The following RGS22 variants were observed in gnomAD, a reference collection of about 807,000 sequenced individuals.
RGS22 encodes regulator of G protein signaling 22.
In RGS22, 148 loss-of-function variants were observed where a neutral mutation model predicts 172.9. The observed-to-expected ratio is 0.86, with a 90% CI of 0.75 to 0.98. The LOEUF (loss-of-function observed/expected upper bound fraction) is 0.98, where lower values mean the gene tolerates loss of function less well. Ranked by LOEUF, RGS22 falls within the 50% of genes least tolerant of loss-of-function variation. The pLI is 0.00. For synonymous variants in RGS22, 458 were observed against 480.2 expected, an observed-to-expected ratio of 0.95 and a Z score of 0.60; for missense variants, 1,347 against 1,440.8, an observed-to-expected ratio of 0.93 and a Z score of 1.05.
At chr8:100,012,326 T>C (rs1816473393) in intron 14 of RGS22, among the ~76,000 whole-genome samples, 1 of 152,116 alleles carries the variant, frequency 6.6e-6, no homozygotes, top group African/African-American at 2.4e-5. Flanking sequence ...AAGTTCAGAA[T>C]ATAATAGGCA....
At chr8:100,044,626 C>CT (rs542203635) in intron 11 of RGS22, among the ~76,000 whole-genome samples, 27,540 of 128,724 alleles carry the variant, frequency 0.21, 3,125 homozygotes, top group African/African-American at 0.31. Flanking sequence ...ATTACCCTTT[C>CT]TTTTTTTTTT....
chr8:99,987,547 T>C lies in RGS22; in HGVS notation c.3091A>G (p.Thr1031Ala). The C allele has an allele frequency of 1.9e-6, 3 of 1,611,846 alleles. No homozygotes were observed. The highest frequency in any genetic ancestry group is 1.7e-6 in the Non-Finnish European group (2 of 1,178,840). The change falls in exon 21 of 28, where the codon ACT becomes GCT. Residue 1031 changes from threonine (T) to alanine (A), a missense_variant. By Grantham distance (58) the Thr-to-Ala change is moderately conservative. Transcript: ENST00000360863. ...ACAAAACGTTGAAATTGTCTTGAAG[T>C]AACTGGATTCAATAATGCTTTGCGA... ...AFRKALLNPVTSRQFQRFVAL... is the reference protein window; with the variant it reads ...AFRKALLNPVASRQFQRFVAL...
At chr8:100,048,199 G>A (rs1820932348) in intron 10 of RGS22, among the ~76,000 whole-genome samples, 1 of 152,084 alleles carries the variant, frequency 6.6e-6, no homozygotes, top group Admixed American at 6.6e-5. Flanking sequence ...TCCAAATGGA[G>A]AATGGGATAT....
intron 2 of RGS22, among the ~76,000 whole-genome samples, chr8:100,103,088 C>T (rs1003406245): frequency 6.6e-6 from 1 of 152,080 alleles, no homozygotes; most frequent in Non-Finnish European, 1.5e-5. Context: ...AAGCCAGTAA[C>T]AAGGTAATGT....
chr8:100,066,648 C>T (rs1293864846), intron 6 of RGS22, among the ~76,000 whole-genome samples: 7 of 152,112 alleles, frequency 4.6e-5, no homozygotes, highest in Non-Finnish European at 8.8e-5. Flanking sequence ...GCCCATCAAT[C>T]CTTTTGCTAG....
intron 14 of RGS22, among the ~76,000 whole-genome samples, chr8:100,012,535 T>C (rs1472676639): frequency 6.6e-6 from 1 of 151,680 alleles, no homozygotes; most frequent in Non-Finnish European, 1.5e-5. Flanking sequence ...TGAAATATGA[T>C]GGTGCCACCG....
chr8:100,007,481 T>G (rs991741808), intron 15 of RGS22, among the ~76,000 whole-genome samples: 3 of 152,186 alleles, frequency 2.0e-5, no homozygotes, highest in African/African-American at 7.2e-5. Flanking sequence ...TCTGACCTGA[T>G]GAACATCTGG....
intron 2 of RGS22, among the ~76,000 whole-genome samples, chr8:100,101,351 A>C (rs1813464943): frequency 6.8e-6 from 1 of 147,884 alleles, no homozygotes; most frequent in Non-Finnish European, 1.5e-5. Flanking sequence ...TGGTGGCGTG[A>C]TCTCAGCTCG....
At chr8:100,033,608 TG>T (rs1346223599) in intron 14 of RGS22, among the ~76,000 whole-genome samples, 1 of 150,890 alleles carries the variant, frequency 6.6e-6, no homozygotes, top group Non-Finnish European at 1.5e-5. Context: ...AAAGAGGACC[TG>T]GTACCATTTC....
chr8:99,974,914 A>G (rs1267756955), intron 23 of RGS22, among the ~76,000 whole-genome samples: 1 of 152,080 alleles, frequency 6.6e-6, no homozygotes, highest in Non-Finnish European at 1.5e-5. Flanking sequence ...TTGGGAGGCC[A>G]AGGTGGGCGG....
intron 24 of RGS22, among the ~76,000 whole-genome samples, chr8:99,963,201 T>C (rs1364615511): frequency 6.6e-6 from 1 of 152,170 alleles, no homozygotes; most frequent in East Asian, 1.9e-4. Context: ...CAACCTACCT[T>C]AGTCCATTTT....
intron 19 of RGS22, among the ~76,000 whole-genome samples, chr8:99,998,231 A>G (rs921131721): frequency 6.6e-6 from 1 of 152,212 alleles, no homozygotes; most frequent in South Asian, 2.1e-4. Flanking sequence ...AATAGATAAC[A>G]TTTGAGTGTT....
At chr8:99,979,441 A>G (rs1404846956) in intron 22 of RGS22, among the ~76,000 whole-genome samples, 1 of 152,184 alleles carries the variant, frequency 6.6e-6, no homozygotes, top group African/African-American at 2.4e-5. Flanking sequence ...TACCTCTCTA[A>G]TCTTAAAAGA....
chr8:99,981,712 AC>A (rs1812563719), intron 22 of RGS22, among the ~76,000 whole-genome samples: 1 of 146,806 alleles, frequency 6.8e-6, no homozygotes. Flanking sequence ...ATTTTTATTT[AC>A]TTTTTTTTAG....
At chr8:100,019,129 T>C (rs372193720) in intron 14 of RGS22, among the ~76,000 whole-genome samples, 1 of 152,266 alleles carries the variant, frequency 6.6e-6, no homozygotes, top group African/African-American at 2.4e-5. Context: ...GTATTCTCAC[T>C]GTGCCAAAGG....
At chr8:99,975,658 G>A (rs937805839) in intron 23 of RGS22, among the ~76,000 whole-genome samples, 1 of 150,692 alleles carries the variant, frequency 6.6e-6, no homozygotes, top group Admixed American at 6.6e-5. Context: ...TATAAGTGAT[G>A]CTGTGTATAT....
At chr8:99,990,113 C>G (rs560794196) in intron 20 of RGS22, among the ~76,000 whole-genome samples, 1 of 152,068 alleles carries the variant, frequency 6.6e-6, no homozygotes, top group African/African-American at 2.4e-5. Context: ...CAATCACACA[C>G]TTCTAAGGTT....
chr8:100,064,263 T>TTCC (rs1344719520), intron 7 of RGS22, among the ~76,000 whole-genome samples: 2 of 151,838 alleles, frequency 1.3e-5, no homozygotes, highest in African/African-American at 4.8e-5. Context: ...AGGTCAGGAG[T>TTCC]TCCAGACCAG....
intron 2 of RGS22, 56 bp downstream of exon 2, chr8:100,105,318 A>G: frequency 7.4e-7 from 1 of 1,345,410 alleles, no homozygotes; most frequent in Non-Finnish European, 1.1e-6. Context: ...ATGATCTAAT[A>G]TTTGCTATTT....
Sources: allele counts gnomAD v4.1 joint callset (sites outside exome capture counted in the v4.1 genomes callset), GRCh38; gene constraint gnomAD v4.1.1; transcripts MANE v1.5; gene names NCBI Gene and HGNC (gene_info 2026-07-23, HGNC 2026-07-21).